Variants in CLSTN2 observed in about 807,000 individuals in gnomAD.
CLSTN2 encodes calsyntenin 2.
CLSTN2 carries 48 observed loss-of-function variants against 101.2 expected under a neutral mutation model. The ratio of observed to expected loss-of-function variants is 0.47; its 90% confidence interval spans 0.38 to 0.60. The LOEUF (loss-of-function observed/expected upper bound fraction) is 0.60. Ranked by LOEUF, CLSTN2 falls within the 20% of genes least tolerant of loss-of-function variation. The probability of loss-of-function intolerance (pLI) is 0.00; values close to 1 mark genes in which losing one functional copy is unlikely to be tolerated. For synonymous variants in CLSTN2, 481 were observed against 463.6 expected (o/e 1.04, Z -0.48); for missense variants, 1,160 against 1,238.2 (o/e 0.94, Z 0.95).
In CLSTN2 at chr3:140,344,949, G is replaced by A. The variant is rs143106200; in HGVS notation, c.233-58680G>A. Among the ~76,000 whole-genome samples, 480 of 152,262 alleles carry A rather than the reference G, an allele frequency of 3.2e-3. 5 individuals are homozygous for A. Among genetic ancestry groups the A allele is most frequent in the African/African-American group, 0.011 (459 of 41,552 alleles). ...GAAGCACAGAAAGAAATGGGGCTCTGGCATTTCCAAGTGGGCAGGCCATTT... is the reference window on the plus strand; with the variant it reads ...GAAGCACAGAAAGAAATGGGGCTCTAGCATTTCCAAGTGGGCAGGCCATTT... On this transcript the variant is annotated intron_variant, in intron 2 of 16. Coordinates refer to ENST00000458420, the MANE Select transcript of CLSTN2 (RefSeq NM_022131.3).
chr3:140,028,250 C>T (rs924140470), intron 1 of CLSTN2, among the ~76,000 whole-genome samples: 2 of 152,110 alleles, frequency 1.3e-5, no homozygotes, highest in African/African-American at 4.8e-5. Flanking sequence ...GTTGTGCTGT[C>T]CATTCCCAGC....
At chr3:140,251,121 T>C (rs1295807807) in intron 2 of CLSTN2, among the ~76,000 whole-genome samples, 2 of 152,162 alleles carry the variant, frequency 1.3e-5, no homozygotes, top group African/African-American at 4.8e-5. Context: ...GAATCACATC[T>C]TCTCTGGCTG....
intron 1 of CLSTN2, among the ~76,000 whole-genome samples, chr3:140,081,831 G>A (rs2008604431): frequency 6.6e-6 from 1 of 152,182 alleles, no homozygotes; most frequent in African/African-American, 2.4e-5. Flanking sequence ...ATCCAGCTCT[G>A]TAATTCAAAA....
chr3:140,352,374 T>C (rs1403873808), intron 2 of CLSTN2, among the ~76,000 whole-genome samples: 1 of 152,194 alleles, frequency 6.6e-6, no homozygotes, highest in Non-Finnish European at 1.5e-5. Flanking sequence ...CTTTGGTCCT[T>C]GAGGCTTTGT....
rs138114235 is a variant in CLSTN2, at chr3:140,008,590, C to T, written c.109+73107C>T. 7.5e-4 allele frequency among the ~76,000 whole-genome samples: 114 copies of T among 152,370 alleles called. No individual in the cohort carries two copies. In the East Asian group the frequency reaches 0.021, roughly 28 times the overall value. On this transcript the variant is annotated intron_variant, in intron 1 of 16. Transcript: ENST00000458420. Reference sequence around the variant, plus strand: ...CAGTTCCCGCCATTTGGCCAGCTCTCCACAGCACCTGCTGTCTGCTTTATT... The same window carrying T: ...CAGTTCCCGCCATTTGGCCAGCTCTTCACAGCACCTGCTGTCTGCTTTATT...
intron 2 of CLSTN2, among the ~76,000 whole-genome samples, chr3:140,361,780 G>A (rs1173722253): frequency 6.6e-6 from 1 of 151,936 alleles, no homozygotes; most frequent in African/African-American, 2.4e-5. Context: ...AAAGAAGTAC[G>A]ACTTGTATAC....
chr3:140,124,621 G>A (rs1435688907), intron 1 of CLSTN2, among the ~76,000 whole-genome samples: 1 of 152,186 alleles, frequency 6.6e-6, no homozygotes, highest in African/African-American at 2.4e-5. Flanking sequence ...CAATAACCGG[G>A]ATGGAGAAGA....
intron 1 of CLSTN2, among the ~76,000 whole-genome samples, chr3:140,097,132 G>GT (rs2008882532): frequency 6.6e-6 from 1 of 152,134 alleles, no homozygotes; most frequent in African/African-American, 2.4e-5. Context: ...CACTTTTTGA[G>GT]TATTGATAAT....
chr3:140,132,846 A>G (rs1259050213), intron 1 of CLSTN2, among the ~76,000 whole-genome samples: 1 of 152,122 alleles, frequency 6.6e-6, no homozygotes, highest in Admixed American at 6.5e-5. Context: ...CCCTTACTCC[A>G]TCCCAGGGAT....
intron 1 of CLSTN2, among the ~76,000 whole-genome samples, chr3:140,160,148 G>T (rs1453289698): frequency 1.3e-5 from 2 of 151,992 alleles, no homozygotes; most frequent in South Asian, 2.1e-4. Context: ...CATATACCCC[G>T]TGTATCTAAA....
intron 1 of CLSTN2, among the ~76,000 whole-genome samples, chr3:140,167,558 A>G (rs543129148): frequency 6.6e-6 from 1 of 152,304 alleles, no homozygotes; most frequent in African/African-American, 2.4e-5. Flanking sequence ...CATAATTTAC[A>G]CAGACAGAAT....
intron 1 of CLSTN2, among the ~76,000 whole-genome samples, chr3:139,976,254 C>G (rs1935816020): frequency 6.6e-6 from 1 of 152,162 alleles, no homozygotes; most frequent in African/African-American, 2.4e-5. Context: ...GCTGATGTAC[C>G]CTGATCCCTT....
intron 8 of CLSTN2, among the ~76,000 whole-genome samples, chr3:140,477,557 A>G (rs1359462974): frequency 2.0e-5 from 3 of 152,222 alleles, no homozygotes; most frequent in Non-Finnish European, 4.4e-5. Flanking sequence ...ATTTACATAC[A>G]TTAGGTCTAA....
chr3:140,322,811 A>G (rs1177216977), intron 2 of CLSTN2, among the ~76,000 whole-genome samples: 2 of 152,324 alleles, frequency 1.3e-5, no homozygotes, highest in African/African-American at 4.8e-5. Context: ...CAAAAAATAA[A>G]TCTCCTATTT....
At chr3:140,240,285 T>C (rs188161882) in intron 2 of CLSTN2, among the ~76,000 whole-genome samples, 1 of 20,620 alleles carries the variant, frequency 4.8e-5, no homozygotes, top group African/African-American at 9.3e-5. Context: ...CATATATACA[T>C]ATATACACAT....
intron 2 of CLSTN2, among the ~76,000 whole-genome samples, chr3:140,309,864 C>A (rs1156731547): frequency 6.6e-6 from 1 of 152,150 alleles, no homozygotes; most frequent in Non-Finnish European, 1.5e-5. Flanking sequence ...ACTCTCCTTC[C>A]CACTCTACTC....
chr3:140,556,333 A>G (rs1323015408), intron 10 of CLSTN2, among the ~76,000 whole-genome samples, 180 bp from the exon 11 acceptor site: 1 of 152,124 alleles, frequency 6.6e-6, no homozygotes, highest in Non-Finnish European at 1.5e-5. Context: ...CCCACCAGAG[A>G]GTAGGAGGAA....
intron 7 of CLSTN2, among the ~76,000 whole-genome samples, chr3:140,465,142 A>G (rs1933658500): frequency 6.6e-6 from 1 of 152,174 alleles, no homozygotes; most frequent in Non-Finnish European, 1.5e-5. Flanking sequence ...ACTAATACAG[A>G]GAATGTGGGT....
At chr3:139,964,214 C>T (rs1242974638) in intron 1 of CLSTN2, among the ~76,000 whole-genome samples, 1 of 152,192 alleles carries the variant, frequency 6.6e-6, no homozygotes, top group African/African-American at 2.4e-5. Context: ...CCGTACTCTC[C>T]TCCCTCAGCT....
Sources: gnomAD v4.1 joint callset for allele counts (sites outside exome capture counted in the v4.1 genomes callset) on GRCh38, gnomAD v4.1.1 for gene constraint, MANE v1.5 for transcripts, NCBI Gene and HGNC (gene_info 2026-07-23, HGNC 2026-07-21) for gene names.